CAMTA1: variants seen among roughly 807,000 people sequenced by gnomAD.
CAMTA1 encodes the protein calmodulin-binding transcription activator 1.
A neutral mutation model predicts 170.9 loss-of-function variants in CAMTA1; 27 were observed. The observed-to-expected ratio is 0.16, with a 90% CI of 0.12 to 0.22. The LOEUF is 0.22. CAMTA1 is among the 10% of genes least tolerant of loss of function. The pLI is 1.00. For synonymous variants in CAMTA1, 833 were observed against 891.5 expected (o/e 0.93, Z 1.17); for missense variants, 1,619 against 2,217.2 (o/e 0.73, Z 5.42).
At chr1:7,723,329 A>T (rs901492696) in intron 11 of CAMTA1, among the ~76,000 whole-genome samples, 3 of 152,210 alleles carry the variant, frequency 2.0e-5, no homozygotes, top group African/African-American at 7.2e-5. Context: ...CCTGATGGCC[A>T]AAGCTGGAAC....
intron 3 of CAMTA1, among the ~76,000 whole-genome samples, chr1:6,926,852 TC>T (rs1213546114): frequency 6.6e-6 from 1 of 151,608 alleles, no homozygotes; most frequent in Non-Finnish European, 1.5e-5. Flanking sequence ...GACCTCAACC[TC>T]CAAAGTAGCT....
Position 7,144,423 on chromosome 1 carries a change from CCA to C in CAMTA1, c.302+53057_302+53058del, listed in dbSNP as rs1239167112. 6.6e-6 allele frequency among the ~76,000 whole-genome samples: 1 copy of C among 152,168 alleles called. No individual in the cohort carries two copies. Among genetic ancestry groups the C allele is most frequent in the Non-Finnish European group, 1.5e-5 (1 of 68,042 alleles). On this transcript the variant is annotated intron_variant, in intron 4 of 22. Coordinates refer to ENST00000303635, the MANE Select transcript of CAMTA1 (RefSeq NM_015215.4). The surrounding 1 kb of genome is among the most constrained non-coding windows in gnomAD (Gnocchi z 4.0). Reference sequence around the variant, plus strand: ...TAATTACATCTCCAAATCCCTATCTCCACACAGTCACACTGAGGCCACTGAGG... The same window carrying C: ...TAATTACATCTCCAAATCCCTATCTCCACAGTCACACTGAGGCCACTGAGG...
chr1:7,166,661 T>C (rs1280660903), intron 4 of CAMTA1, among the ~76,000 whole-genome samples: 2 of 152,208 alleles, frequency 1.3e-5, no homozygotes, highest in African/African-American at 4.8e-5. Context: ...CTTTTAGTTA[T>C]TGATTGATTT....
At chr1:6,895,232 G>A (rs957283492) in intron 3 of CAMTA1, among the ~76,000 whole-genome samples, 1 of 152,198 alleles carries the variant, frequency 6.6e-6, no homozygotes, top group Non-Finnish European at 1.5e-5. Flanking sequence ...TGAACATGAA[G>A]GCTGAGATTC....
intron 3 of CAMTA1, among the ~76,000 whole-genome samples, chr1:6,831,767 A>G (rs974661377): frequency 6.6e-6 from 1 of 152,226 alleles, no homozygotes; most frequent in Non-Finnish European, 1.5e-5. Context: ...AGAAAGTTTC[A>G]TCAGATGTTT....
intron 5 of CAMTA1, among the ~76,000 whole-genome samples, chr1:7,294,040 C>T (rs1238261127): frequency 5.9e-5 from 9 of 152,216 alleles, no homozygotes; most frequent in Non-Finnish European, 7.3e-5. Flanking sequence ...AGGCTTTCCT[C>T]ATTTCTATGC....
rs1042964699 is a variant in CAMTA1 at position 7,146,829 on chromosome 1, C to G, written c.302+55458C>G. ...ATACACCATGTGCACACACACCACACACACATATACCATGCACACACAAAC... is the reference window on the plus strand; with the variant it reads ...ATACACCATGTGCACACACACCACAGACACATATACCATGCACACACAAAC... On this transcript the variant is annotated intron_variant, in intron 4 of 22. Transcript: ENST00000303635. This position sits in a 1 kb window ranked among gnomAD's most constrained non-coding sequence, Gnocchi z 4.3. 6.6e-6 allele frequency among the ~76,000 whole-genome samples: 1 copy of G among 151,784 alleles called. No individual in the cohort carries two copies. Among genetic ancestry groups the G allele is most frequent in the South Asian group, 2.1e-4 (1 of 4,802 alleles).
At chr1:7,374,438 C>T (rs2086698800) in intron 5 of CAMTA1, among the ~76,000 whole-genome samples, 2 of 152,236 alleles carry the variant, frequency 1.3e-5, no homozygotes, top group Admixed American at 6.5e-5. Context: ...AGAGCCCAGC[C>T]TGCTGCTTAG....
chr1:7,334,564 G>T (rs1358146827), intron 5 of CAMTA1, among the ~76,000 whole-genome samples: 1 of 152,222 alleles, frequency 6.6e-6, no homozygotes, highest in Non-Finnish European at 1.5e-5. Context: ...AGCTTCCGGG[G>T]CTTTGCATGT....
chr1:7,182,738 C>T (rs1652465622), intron 4 of CAMTA1, among the ~76,000 whole-genome samples: 1 of 152,122 alleles, frequency 6.6e-6, no homozygotes, highest in South Asian at 2.1e-4. Flanking sequence ...GAGCTGTTAT[C>T]ATTGAGGAAG....
intron 5 of CAMTA1, among the ~76,000 whole-genome samples, chr1:7,459,125 AG>A (rs2093025751): frequency 6.6e-6 from 1 of 152,162 alleles, no homozygotes; most frequent in Admixed American, 6.5e-5. Flanking sequence ...TGTCTGAGCG[AG>A]GACCAGGGGG....
chr1:7,154,781 GT>G (rs1233445289), intron 4 of CAMTA1, among the ~76,000 whole-genome samples: 1 of 152,144 alleles, frequency 6.6e-6, no homozygotes, highest in Non-Finnish European at 1.5e-5. Context: ...GTCTCTTTGG[GT>G]TTATTGGACT....
At chr1:7,711,907 G>A (rs2096573624) in intron 11 of CAMTA1, among the ~76,000 whole-genome samples, 1 of 152,202 alleles carries the variant, frequency 6.6e-6, no homozygotes, top group Non-Finnish European at 1.5e-5. Flanking sequence ...ATGGCAGGTA[G>A]GTTCCCAGGC....
Position 7,533,110 on chromosome 1 carries a change from G to A in CAMTA1, c.510+65209G>A, listed in dbSNP as rs1206932059. ...TAATTCCTCCAGCGCTGTGGTGCCC[G>A]GGTGCTGGGCAGCAGTGGGGATGTG... On this transcript the variant is annotated intron_variant, in intron 6 of 22. Transcript: ENST00000303635. Among the ~76,000 whole-genome samples, 4 of 152,192 alleles carry A rather than the reference G, an allele frequency of 2.6e-5. No homozygotes were observed. The South Asian group carries it at 6.2e-4, about 24-fold the overall frequency.
At chr1:7,540,377 G>A (rs1028836538) in intron 6 of CAMTA1, among the ~76,000 whole-genome samples, 1 of 152,134 alleles carries the variant, frequency 6.6e-6, no homozygotes, top group Non-Finnish European at 1.5e-5. Flanking sequence ...TACCAGGAGA[G>A]AACCCTAACC....
chr1:6,861,894 C>G (rs535089550), intron 3 of CAMTA1, among the ~76,000 whole-genome samples: 23 of 152,138 alleles, frequency 1.5e-4, no homozygotes, highest in Admixed American at 5.9e-4. Flanking sequence ...GGCAACCACC[C>G]TTTTACTGTC....
intron 5 of CAMTA1, among the ~76,000 whole-genome samples, chr1:7,415,664 A>T (rs1384024251): frequency 2.6e-5 from 4 of 152,262 alleles, no homozygotes; most frequent in Admixed American, 1.3e-4. Context: ...TCTGCACATG[A>T]GATGGGTTTC....
chr1:7,240,513 A>G (rs10779678), intron 4 of CAMTA1, among the ~76,000 whole-genome samples: 103,012 of 150,082 alleles, frequency 0.69, 36,256 homozygotes, highest in African/African-American at 0.85. Context: ...AGTTGGTTCC[A>G]GAGTCTTTTT....
intron 4 of CAMTA1, among the ~76,000 whole-genome samples, chr1:7,107,457 T>G (rs959304358): frequency 1.3e-5 from 2 of 152,062 alleles, no homozygotes; most frequent in Non-Finnish European, 2.9e-5. Flanking sequence ...CATGCCCTGA[T>G]AGGGTCGGGA....
Sources: allele counts gnomAD v4.1 joint callset (sites outside exome capture counted in the v4.1 genomes callset), GRCh38; gene constraint gnomAD v4.1.1; non-coding constraint Gnocchi (gnomAD v3.1); transcripts MANE v1.5; gene names NCBI Gene and HGNC (gene_info 2026-07-23, HGNC 2026-07-21).